The following ANKRD12 variants were observed in gnomAD, a reference collection of about 807,000 sequenced individuals.
ANKRD12 encodes the protein ankyrin repeat domain 12, also known as ankyrin repeat domain-containing protein 12.
Under a neutral mutation model 183.4 loss-of-function variants are expected in ANKRD12, and 85 were observed. That is an observed-to-expected ratio of 0.46 (90% CI 0.39 to 0.56). The LOEUF (loss-of-function observed/expected upper bound fraction) is 0.56, where lower values mean the gene tolerates loss of function less well. Among genes scored for constraint, ANKRD12 ranks in the 20% least tolerant of loss-of-function variants. The pLI is 0.00. For synonymous variants in ANKRD12, 914 were observed against 800.2 expected (o/e 1.14, Z -2.40); for missense variants, 2,405 against 2,357.1 (o/e 1.02, Z -0.42).
At chr18:9,225,472 TAAA>T (rs200715342) in intron 8 of ANKRD12, among the ~76,000 whole-genome samples, 2 of 68,488 alleles carry the variant, frequency 2.9e-5, no homozygotes, top group African/African-American at 4.2e-5. Context: ...AGACTATCTT[TAAA>T]AAAAAAAAAA....
At chr18:9,164,691 A>T (rs1374963593) in intron 1 of ANKRD12, among the ~76,000 whole-genome samples, 9 of 152,106 alleles carry the variant, frequency 5.9e-5, no homozygotes, top group Non-Finnish European at 7.4e-5. Flanking sequence ...GTTTACATGT[A>T]GTTATGTGGT....
chr18:9,162,704 C>T (rs561008373), intron 1 of ANKRD12, among the ~76,000 whole-genome samples: 13 of 152,314 alleles, frequency 8.5e-5, no homozygotes, highest in South Asian at 2.1e-4. Context: ...TCCACAACCT[C>T]GCCAGCGTCT....
At position 9,258,512 on chromosome 18, in the gene ANKRD12, C is replaced by A. The variant is rs767879645; in HGVS notation, c.5245C>A (p.Gln1749Lys). 1 of 1,613,666 alleles carries A rather than the reference C, an allele frequency of 6.2e-7. No individual in the cohort carries two copies. Among genetic ancestry groups the A allele is most frequent in the East Asian group, 2.2e-5 (1 of 44,858 alleles). Residue 1749 changes from glutamine to lysine, a missense_variant, in exon 9 of 13, where the codon CAG (glutamine) becomes AAG (lysine). Physicochemically the swap from Gln to Lys is moderately conservative, Grantham distance 53 (BLOSUM62 1). This residue lies in a region of ANKRD12 where 1,983 missense variants were observed against 1,725.9 expected (regional missense o/e 1.15). Transcript: ENST00000262126. The stretch of plus-strand genomic sequence containing the variant: ...AAATACAATGGCAAATCAAAGCAAA[C>A]AGATTCTTGCTAGCTGTACACTATT... ...KANTMANQSK[Q>K]ILASCTLLSE... is the part of the protein sequence containing the mutation.
intron 6 of ANKRD12, among the ~76,000 whole-genome samples, chr18:9,212,232 G>A (rs1196293342): frequency 6.6e-6 from 1 of 152,022 alleles, no homozygotes; most frequent in Non-Finnish European, 1.5e-5. Flanking sequence ...GTAAAAGTAT[G>A]TAGGGAACAA....
chr18:9,176,061 T>C (rs1475288558), intron 1 of ANKRD12, among the ~76,000 whole-genome samples: 2 of 152,184 alleles, frequency 1.3e-5, no homozygotes, highest in African/African-American at 4.8e-5. Context: ...CTGTGTATCA[T>C]TGCTGTTGTC....
At chr18:9,182,850 A>G (rs573052112) in intron 2 of ANKRD12, among the ~76,000 whole-genome samples, 9 of 152,316 alleles carry the variant, frequency 5.9e-5, no homozygotes, top group Non-Finnish European at 1.2e-4. Flanking sequence ...TACTTAATTT[A>G]GACCCTCAGA....
rs2040176612 is a variant in ANKRD12, at chr18:9,284,190, CCTT to C, written c.*3066_*3068del. 1 of 152,182 alleles carries C rather than the reference CCTT, an allele frequency of 6.6e-6. No homozygotes were observed. Among genetic ancestry groups the C allele is most frequent in the Non-Finnish European group, 1.5e-5 (1 of 68,028 alleles). The allele number at this position is 152,182 out of a possible 1,614,324, so 9.4% of individuals were successfully genotyped here. The stretch of plus-strand genomic sequence containing the variant: ...TTGCTTGAAGCAGGGTTGCCACAAA[CCTT>C]CAATTTGTAAAAAACGCCAATATGT... On this transcript the variant is annotated 3_prime_UTR_variant, in exon 13 of 13. Coordinates refer to ENST00000262126, the MANE Select transcript of ANKRD12 (RefSeq NM_015208.5).
In ANKRD12 at chr18:9,263,777, T is replaced by G. The variant is rs1408853406; in HGVS notation, c.5665-13T>G. On this transcript the variant is annotated splice_polypyrimidine_tract_variant and intron_variant, in intron 9 of 12. Transcript: ENST00000262126. ...AACCTAATATTTTAAACTATATATA[T>G]CTTTTTAATTAGATTACACCACCAC... 1 of 1,525,724 alleles carries G rather than the reference T, an allele frequency of 6.6e-7. No homozygotes were observed. The allele number at this position is 1,525,724 out of a possible 1,614,324, so 94.5% of individuals were successfully genotyped here.
chr18:9,233,835 C>A (rs917350786), intron 8 of ANKRD12, among the ~76,000 whole-genome samples: 1 of 152,144 alleles, frequency 6.6e-6, no homozygotes, highest in Non-Finnish European at 1.5e-5. Context: ...TTATTCTGAG[C>A]CCCAGCCCAT....
At chr18:9,180,509 A>G (rs558861334) in intron 1 of ANKRD12, among the ~76,000 whole-genome samples, 4 of 150,494 alleles carry the variant, frequency 2.7e-5, no homozygotes, top group Admixed American at 6.6e-5. Flanking sequence ...TCATTGTTCA[A>G]TTTTTCTTTT....
chr18:9,239,452 C>T (rs1326549432), intron 8 of ANKRD12: 4 of 1,105,116 alleles, frequency 3.6e-6, no homozygotes, highest in Non-Finnish European at 4.9e-6. Context: ...TTCATGTGTT[C>T]ATCAGCTATG....
chr18:9,258,398 G>T lies in ANKRD12; in HGVS notation c.5131G>T (p.Gly1711Cys), dbSNP rs1223237701. 5.0e-6 allele frequency: 8 copies of T among 1,613,544 alleles called. No homozygotes were observed. Among genetic ancestry groups the T allele is most frequent in the African/African-American group, 1.3e-5 (1 of 74,872 alleles). Residue 1711 changes from glycine to cysteine, a missense_variant, in exon 9 of 13, where the codon GGT becomes TGT. Physicochemically the swap from Gly to Cys is radical, Grantham distance 159. This residue lies in a region of ANKRD12 where 1,983 missense variants were observed against 1,725.9 expected (regional missense o/e 1.15). Coordinates refer to ENST00000262126, the MANE Select transcript of ANKRD12 (RefSeq NM_015208.5). ...AACTCAACCAGAAATGCATAAATAT[G>T]GTCAGTTAGTTAAAGTAGAATTAGA... is the stretch of plus-strand genomic sequence containing the variant. ...QSTQPEMHKY[G>C]QLVKVELEEN...
intron 2 of ANKRD12, among the ~76,000 whole-genome samples, chr18:9,183,636 A>G (rs1160998424): frequency 1.3e-5 from 2 of 152,080 alleles, no homozygotes; most frequent in Non-Finnish European, 2.9e-5. Flanking sequence ...GACTTTCTAC[A>G]TATGGAATCA....
At chr18:9,209,747 GT>G (rs938251398) in intron 5 of ANKRD12, among the ~76,000 whole-genome samples, 6 of 152,068 alleles carry the variant, frequency 3.9e-5, no homozygotes, top group Non-Finnish European at 7.4e-5. Context: ...AACTTTGACT[GT>G]TTCTGTAAAA....
chr18:9,189,267 A>G lies in ANKRD12; in HGVS notation c.88-6284A>G, dbSNP rs370758069. On this transcript the variant is annotated intron_variant, in intron 2 of 12. Coordinates refer to ENST00000262126, the MANE Select transcript of ANKRD12 (RefSeq NM_015208.5). ...CCTCTCCTCAATTCTGTGAAGGCTG[A>G]GAGAGGTTTGGAAGCTGCAGAAGAA... Among the ~76,000 whole-genome samples the G allele has an allele frequency of 2.4e-4, 36 of 152,328 alleles. No individual in the cohort carries two copies. The South Asian group carries it at 5.2e-3, about 22-fold the overall frequency.
At chr18:9,248,918 G>GAT (rs1342413654) in intron 8 of ANKRD12, among the ~76,000 whole-genome samples, 1 of 152,156 alleles carries the variant, frequency 6.6e-6, no homozygotes, top group African/African-American at 2.4e-5. Flanking sequence ...TTATCCAGAC[G>GAT]ATAGTTGCCA....
intron 9 of ANKRD12, among the ~76,000 whole-genome samples, chr18:9,263,283 A>T (rs796254103): frequency 2.0e-5 from 3 of 152,236 alleles, no homozygotes; most frequent in Non-Finnish European, 4.4e-5. Flanking sequence ...GGGATATTAC[A>T]TGTAATAAAG....
intron 2 of ANKRD12, among the ~76,000 whole-genome samples, chr18:9,183,954 CTG>C (rs755016866): frequency 4.0e-5 from 6 of 151,810 alleles, no homozygotes; most frequent in African/African-American, 1.5e-4. Flanking sequence ...TTTTTTTAAA[CTG>C]TTTTTTGATG....
At chr18:9,201,057 A>C (rs2035136352) in intron 3 of ANKRD12, among the ~76,000 whole-genome samples, 1 of 152,178 alleles carries the variant, frequency 6.6e-6, no homozygotes, top group Admixed American at 6.5e-5. Context: ...GCATCTGATT[A>C]GTTAGCCTAT....
Sources: allele counts gnomAD v4.1 joint callset (sites outside exome capture counted in the v4.1 genomes callset), GRCh38; gene constraint gnomAD v4.1.1; regional missense constraint gnomAD v4.1.1; transcripts MANE v1.5; gene names NCBI Gene and HGNC (gene_info 2026-07-23, HGNC 2026-07-21).